AIFM1: variants seen among roughly 807,000 people sequenced by gnomAD.
AIFM1 encodes the protein apoptosis inducing factor mitochondria associated 1, also known as apoptosis-inducing factor 1, mitochondrial.
In AIFM1, 3 loss-of-function variants were observed where a neutral mutation model predicts 51.7. The ratio of observed to expected loss-of-function variants is 0.06; its 90% CI spans 0.03 to 0.15. The LOEUF is 0.15. AIFM1 is among the 10% of genes least tolerant of loss of function. The pLI is 1.00. For synonymous variants in AIFM1, 178 were observed against 179.4 expected, an observed-to-expected ratio of 0.99 and a Z score of 0.06; for missense variants, 330 against 476.8, an observed-to-expected ratio of 0.69 and a Z score of 2.87.
rs1569415378 is a variant in AIFM1 at position 130,130,104 on chromosome X, T to G, written c.1636A>C (p.Ser546Arg). 8.3e-7 allele frequency: 1 copy of G among 1,211,992 alleles called. No individual in the cohort carries two copies. The change falls in exon 15 of 16, where the codon AGC (serine) becomes CGC (arginine). Residue 546 changes from serine to arginine, a missense_variant. Ser to Arg is a moderately radical substitution (Grantham distance 110). This residue lies in a region of AIFM1 where 56 missense variants were observed against 48.8 expected (regional missense o/e 1.15). Transcript: ENST00000287295. ...SEASEITIPP[S>R]TPAVPQAPVQ... is the part of the protein sequence containing the mutation. ...GGAGCCTGTGGAACTGCCGGGGTGC[T>G]GGGAGGAATAGTAATTTCTGAGGCC...
At chrX:130,163,878 G>A (rs774040193) in intron 1 of AIFM1, among the ~76,000 whole-genome samples, 3 of 110,330 alleles carry the variant, frequency 2.7e-5, no homozygotes, top group Admixed American at 9.7e-5. Context: ...GGTTATCGCC[G>A]GGCGCGGTGG....
chrX:130,129,533 G>A lies in AIFM1; in HGVS notation c.*24C>T. 8.3e-7 allele frequency: 1 copy of A among 1,197,816 alleles called. No homozygotes were observed. Among genetic ancestry groups the A allele is most frequent in the Middle Eastern group, 2.3e-4 (1 of 4,330 alleles). ...GACCTCCTCTCAGGGGCTGCAGTGGGTTTGCCAATTCCACTGTGGGGCTTC... is the reference window on the plus strand; with the variant it reads ...GACCTCCTCTCAGGGGCTGCAGTGGATTTGCCAATTCCACTGTGGGGCTTC... On this transcript the variant is annotated 3_prime_UTR_variant, in exon 16 of 16. Transcript: ENST00000287295.
intron 3 of AIFM1, 65 bp downstream of exon 3, chrX:130,149,404 C>G: frequency 1.0e-6 from 1 of 955,889 alleles, no homozygotes. Context: ...ATCACAGCAC[C>G]CAAACTGTTT....
Position 130,138,608 on chromosome X carries a change from C to T in AIFM1, c.952G>A (p.Ala318Thr), listed in dbSNP as rs773680831. The T allele has an allele frequency of 7.1e-5, 86 of 1,206,138 alleles. No individual in the cohort carries two copies. The highest frequency in any genetic ancestry group is 9.5e-5 in the Non-Finnish European group (85 of 891,873). Residue 318 changes from alanine to threonine, a missense_variant, in exon 9 of 16, where the codon GCT becomes ACT. By Grantham distance (58) the Ala-to-Thr change is moderately conservative (BLOSUM62 0). Coordinates refer to ENST00000287295, the MANE Select transcript of AIFM1 (RefSeq NM_004208.4). ...CAATACTCACCCTTTCTGCCAAGAG[C>T]ACAGGCCAGTTCGCTACCAAGGAAG... ...GGFLGSELAC[A>T]LGRKARALGT...
chrX:130,148,915 TAAGAGAC>T (rs1291780936), intron 3 of AIFM1, among the ~76,000 whole-genome samples: 81 of 92,461 alleles, frequency 8.8e-4, no homozygotes, highest in African/African-American at 3.3e-3. Flanking sequence ...GCTTGCCTTT[TAAGAGAC>T]TTTTTTTTTT....
chrX:130,150,681 T>C (rs897693028), intron 2 of AIFM1, among the ~76,000 whole-genome samples: 1 of 105,536 alleles, frequency 9.5e-6, no homozygotes, highest in African/African-American at 3.4e-5. Flanking sequence ...GACTTAACAT[T>C]ACAATGCTTT....
chrX:130,156,588 C>G lies in AIFM1; in HGVS notation c.122G>C (p.Arg41Pro). The change falls in exon 2 of 16, where the codon CGA (arginine) becomes CCA (proline). Residue 41 changes from arginine (R) to proline (P), a missense_variant. By Grantham distance (103) the Arg-to-Pro change is moderately radical. Coordinates refer to ENST00000287295, the MANE Select transcript of AIFM1 (RefSeq NM_004208.4). ...CTGGAGTTCTAGAGGAACATGCCATCGCTGGAACAAGTTGCCTAAGAAACA... is the reference window on the plus strand; with the variant it reads ...CTGGAGTTCTAGAGGAACATGCCATGGCTGGAACAAGTTGCCTAAGAAACA... ...RNRLPGNLFQ[R>P]WHVPLELQMT... is the part of the protein sequence containing the mutation. 8.3e-7 allele frequency: 1 copy of G among 1,211,346 alleles called. No homozygotes were observed. Among genetic ancestry groups the G allele is most frequent in the Non-Finnish European group, 1.1e-6 (1 of 895,329 alleles).
rs1483324960 is a variant in AIFM1, at chrX:130,137,204, G to A, written c.968-19C>T. ...GCTCGAGCTGGGAAGAAGAAACAGA[G>A]TAGTTACAGCAGGAAGCAAAAGTCA... On this transcript the variant is annotated intron_variant, in intron 9 of 15. Coordinates refer to ENST00000287295, the MANE Select transcript of AIFM1 (RefSeq NM_004208.4). 8.3e-7 allele frequency: 1 copy of A among 1,210,646 alleles called. No individual in the cohort carries two copies. The highest frequency in any genetic ancestry group is 3.0e-5 in the East Asian group (1 of 33,838).
At chrX:130,140,454 T>C in intron 7 of AIFM1, 79 bp downstream of exon 7, 2 of 827,590 alleles carry the variant, frequency 2.4e-6, no homozygotes, top group Non-Finnish European at 3.7e-6. Flanking sequence ...TAAGTAGTAA[T>C]GCCTTCCATA....
chrX:130,134,870 A>G (rs2030259252), intron 12 of AIFM1, among the ~76,000 whole-genome samples: 1 of 111,875 alleles, frequency 8.9e-6, no homozygotes, highest in Non-Finnish European at 1.9e-5. Context: ...CAAAGTCTGA[A>G]GCAACATAGA....
At chrX:130,161,942 C>A (rs1336173072) in intron 1 of AIFM1, among the ~76,000 whole-genome samples, 2 of 111,840 alleles carry the variant, frequency 1.8e-5, no homozygotes, top group Non-Finnish European at 3.8e-5. Flanking sequence ...TCAACCCTTG[C>A]TGGAATTTTA....
At chrX:130,136,986 C>T (rs2030370189) in intron 10 of AIFM1, 92 bp downstream of exon 10, 6 of 1,202,784 alleles carry the variant, frequency 5.0e-6, no homozygotes, top group East Asian at 3.0e-5. Flanking sequence ...GGTGATAGGG[C>T]TTATGTCAAG....
At chrX:130,157,953 CAAAA>C (rs770910998) in intron 1 of AIFM1, among the ~76,000 whole-genome samples, 3 of 46,161 alleles carry the variant, frequency 6.5e-5, no homozygotes, top group Non-Finnish European at 8.1e-5. Context: ...GACTCCGTCT[CAAAA>C]AAAAAAAAAA....
At chrX:130,153,099 G>A (rs752470254) in intron 2 of AIFM1, among the ~76,000 whole-genome samples, 3 of 106,837 alleles carry the variant, frequency 2.8e-5, no homozygotes, top group African/African-American at 1.0e-4. Flanking sequence ...TTGGGAGGCC[G>A]AGGCGGGTGG....
At chrX:130,134,192 G>A (rs1184254564) in intron 12 of AIFM1, among the ~76,000 whole-genome samples, 1 of 108,678 alleles carries the variant, frequency 9.2e-6, no homozygotes, top group African/African-American at 3.4e-5. Flanking sequence ...AGCTGAGATC[G>A]TGCCACTGAA....
chrX:130,161,608 C>T (rs2091291837), intron 1 of AIFM1, among the ~76,000 whole-genome samples: 2 of 106,957 alleles, frequency 1.9e-5, no homozygotes, highest in African/African-American at 6.8e-5. Context: ...TATTTATCAG[C>T]CTTTTTTTTT....
At chrX:130,141,408 T>C (rs2030575676) in intron 6 of AIFM1, among the ~76,000 whole-genome samples, 1 of 111,973 alleles carries the variant, frequency 8.9e-6, no homozygotes, top group Non-Finnish European at 1.9e-5. Context: ...CTTTCTTATA[T>C]GGCTGTTTGG....
chrX:130,133,547 TTGTAA>T, intron 12 of AIFM1, 92 bp from the exon 13 acceptor site: 1 of 1,048,463 alleles, frequency 9.5e-7, no homozygotes, highest in Non-Finnish European at 1.3e-6. Flanking sequence ...CAAAGAACAC[TTGTAA>T]TGGTAACTAA....
intron 13 of AIFM1, among the ~76,000 whole-genome samples, chrX:130,132,270 A>T (rs984094678): frequency 8.9e-6 from 1 of 112,280 alleles, no homozygotes; most frequent in Non-Finnish European, 1.9e-5. Context: ...TGACCATGAG[A>T]AAGTAAGATT....
Sources: gnomAD v4.1 joint callset for allele counts (sites outside exome capture counted in the v4.1 genomes callset) on GRCh38, gnomAD v4.1.1 for gene constraint, gnomAD v4.1.1 regional missense constraint, MANE v1.5 for transcripts, NCBI Gene and HGNC (gene_info 2026-07-23, HGNC 2026-07-21) for gene names.